CNTNAP5: variants seen among roughly 807,000 people sequenced by gnomAD.
CNTNAP5 encodes the protein contactin-associated protein-like 5.
In CNTNAP5, 72 loss-of-function variants were observed where a neutral mutation model predicts 150.2. The observed-to-expected ratio is 0.48, with a 90% CI of 0.40 to 0.58. CNTNAP5 has a LOEUF of 0.58. Among genes scored for constraint, CNTNAP5 ranks in the 20% least tolerant of loss-of-function variants. CNTNAP5 has a pLI of 0.00. For synonymous variants in CNTNAP5, 672 were observed against 619.8 expected (o/e 1.08, Z -1.25); for missense variants, 1,636 against 1,626.2 (o/e 1.01, Z -0.10).
At chr2:124,849,874 T>A (rs1683120711) in intron 19 of CNTNAP5, among the ~76,000 whole-genome samples, 1 of 152,190 alleles carries the variant, frequency 6.6e-6, no homozygotes, top group South Asian at 2.1e-4. Flanking sequence ...TTAAATAATT[T>A]TCATTAAATG....
intron 4 of CNTNAP5, among the ~76,000 whole-genome samples, chr2:124,424,409 A>C (rs1243262873): frequency 6.6e-6 from 1 of 152,196 alleles, no homozygotes; most frequent in Non-Finnish European, 1.5e-5. Flanking sequence ...TTGGCAGTCC[A>C]ATGTGAACTT....
chr2:124,730,756 AC>A (rs1272708853), intron 13 of CNTNAP5, among the ~76,000 whole-genome samples: 1 of 152,084 alleles, frequency 6.6e-6, no homozygotes, highest in Non-Finnish European at 1.5e-5. Flanking sequence ...TAATTAAATG[AC>A]CTTTGTGGGG....
At chr2:124,085,328 A>G (rs1682660862) in intron 1 of CNTNAP5, among the ~76,000 whole-genome samples, 1 of 152,138 alleles carries the variant, frequency 6.6e-6, no homozygotes, top group Non-Finnish European at 1.5e-5. Context: ...AAAGTTTCAG[A>G]TTTATGAGAT....
At chr2:124,734,500 G>A (rs10178842) in intron 13 of CNTNAP5, among the ~76,000 whole-genome samples, 36,304 of 151,810 alleles carry the variant, frequency 0.24, 5,175 homozygotes, top group Non-Finnish European at 0.34. Context: ...GGGGGCTAGC[G>A]AAGAAAGAGT....
At chr2:124,761,851 C>A (rs546880601) in intron 14 of CNTNAP5, among the ~76,000 whole-genome samples, 2 of 152,176 alleles carry the variant, frequency 1.3e-5, no homozygotes, top group East Asian at 3.9e-4. Context: ...TCTTAGAGTG[C>A]TATTTTTAGA....
chr2:124,542,303 A>G (rs753860405), intron 10 of CNTNAP5, among the ~76,000 whole-genome samples: 8 of 149,440 alleles, frequency 5.4e-5, no homozygotes, highest in Non-Finnish European at 1.2e-4. Context: ...AGTATGTTCC[A>G]GGACATATAT....
At chr2:124,829,084 G>A (rs959321109) in intron 19 of CNTNAP5, among the ~76,000 whole-genome samples, 2 of 152,132 alleles carry the variant, frequency 1.3e-5, no homozygotes, top group African/African-American at 4.8e-5. Context: ...GCAAGGGCTA[G>A]GGTCATTCAT....
At chr2:124,113,847 A>G (rs1184480107) in intron 1 of CNTNAP5, among the ~76,000 whole-genome samples, 4 of 151,722 alleles carry the variant, frequency 2.6e-5, no homozygotes, top group African/African-American at 9.7e-5. Flanking sequence ...ATTTTTTCCA[A>G]TTGTCCACAT....
intron 1 of CNTNAP5, among the ~76,000 whole-genome samples, chr2:124,187,742 A>G (rs1374600960): frequency 6.6e-6 from 1 of 152,232 alleles, no homozygotes; most frequent in Non-Finnish European, 1.5e-5. Flanking sequence ...CTCTCATTAA[A>G]TTAGTTGCCT....
At chr2:124,339,971 A>C (rs1689570303) in intron 3 of CNTNAP5, among the ~76,000 whole-genome samples, 1 of 152,128 alleles carries the variant, frequency 6.6e-6, no homozygotes. Flanking sequence ...AGAATTTGCA[A>C]TAGAGATGTT....
intron 1 of CNTNAP5, among the ~76,000 whole-genome samples, chr2:124,056,112 T>G (rs990913378): frequency 1.3e-5 from 2 of 152,172 alleles, no homozygotes; most frequent in African/African-American, 4.8e-5. Context: ...GAGACAAGGT[T>G]TTAGAAAAAA....
At chr2:124,114,397 T>A (rs950447024) in intron 1 of CNTNAP5, among the ~76,000 whole-genome samples, 3 of 152,044 alleles carry the variant, frequency 2.0e-5, no homozygotes, top group African/African-American at 7.2e-5. Context: ...ATAAATTGTA[T>A]CTTATTTAAA....
At chr2:124,621,083 C>T (rs1677605114) in intron 12 of CNTNAP5, among the ~76,000 whole-genome samples, 1 of 152,080 alleles carries the variant, frequency 6.6e-6, no homozygotes, top group African/African-American at 2.4e-5. Flanking sequence ...ACAAGATTTT[C>T]CTTGAAACTT....
At chr2:124,377,834 C>T (rs1314304397) in intron 3 of CNTNAP5, among the ~76,000 whole-genome samples, 1 of 151,430 alleles carries the variant, frequency 6.6e-6, no homozygotes, top group African/African-American at 2.4e-5. Flanking sequence ...CTAGGAAATA[C>T]AAGAGCTTTT....
chr2:124,629,936 C>CA (rs70996084), intron 12 of CNTNAP5, among the ~76,000 whole-genome samples: 5,884 of 67,596 alleles, frequency 0.087, 337 homozygotes, highest in South Asian at 0.21. Context: ...CACCTCTATG[C>CA]AAAAAAAAAA....
At chr2:124,151,512 C>G (rs1362404750) in intron 1 of CNTNAP5, among the ~76,000 whole-genome samples, 3 of 152,236 alleles carry the variant, frequency 2.0e-5, no homozygotes, top group African/African-American at 7.2e-5. Flanking sequence ...ATTGTGTTAC[C>G]GAGATGTTCT....
intron 1 of CNTNAP5, among the ~76,000 whole-genome samples, chr2:124,033,929 AG>A (rs975469605): frequency 3.9e-5 from 6 of 152,106 alleles, no homozygotes; most frequent in Non-Finnish European, 7.4e-5. Flanking sequence ...AAAAAAAAAA[AG>A]TGTGTGAAAG....
At chr2:124,100,427 A>C (rs912899910) in intron 1 of CNTNAP5, among the ~76,000 whole-genome samples, 5 of 152,044 alleles carry the variant, frequency 3.3e-5, no homozygotes, top group African/African-American at 9.7e-5. Context: ...TCAGAAAAAT[A>C]AAGTAATATA....
intron 12 of CNTNAP5, among the ~76,000 whole-genome samples, chr2:124,637,738 C>T (rs145875778): frequency 8.8e-4 from 134 of 152,254 alleles, no homozygotes; most frequent in African/African-American, 3.0e-3. Context: ...TGAAGTCTTA[C>T]CTACAGAAGA....
Sources: allele counts gnomAD v4.1 joint callset (sites outside exome capture counted in the v4.1 genomes callset), GRCh38; gene constraint gnomAD v4.1.1; transcripts MANE v1.5; gene names NCBI Gene and HGNC (gene_info 2026-07-23, HGNC 2026-07-21).